TSHZ2: variants seen among roughly 807,000 people sequenced by gnomAD.
TSHZ2 encodes the protein teashirt homolog 2.
A neutral mutation model predicts 74.4 loss-of-function variants in TSHZ2; 21 were observed. The ratio of observed to expected loss-of-function variants is 0.28; its 90% CI spans 0.20 to 0.41. The LOEUF (loss-of-function observed/expected upper bound fraction) is 0.41. Ranked by LOEUF, TSHZ2 falls within the 10% of genes least tolerant of loss-of-function variation. The pLI, the probability that TSHZ2 is intolerant of heterozygous loss-of-function variation, is 1.00. For synonymous variants in TSHZ2, 540 were observed against 515.3 expected (o/e 1.05, Z -0.65); for missense variants, 1,244 against 1,293.5 (o/e 0.96, Z 0.59).
intron 2 of TSHZ2, among the ~76,000 whole-genome samples, chr20:53,443,931 G>A (rs371151420): frequency 1.8e-4 from 27 of 152,260 alleles, no homozygotes; most frequent in African/African-American, 6.0e-4. Context: ...AAGGGCATTC[G>A]CAGAGTGGAT....
chr20:53,294,114 A>T (rs1336275726), intron 2 of TSHZ2, among the ~76,000 whole-genome samples: 1 of 152,154 alleles, frequency 6.6e-6, no homozygotes, highest in African/African-American at 2.4e-5. Flanking sequence ...AGAGGCGCAC[A>T]CAGGCAGCTG....
intron 1 of TSHZ2, among the ~76,000 whole-genome samples, chr20:53,200,268 T>C (rs764289852): frequency 3.9e-5 from 6 of 152,138 alleles, no homozygotes; most frequent in Non-Finnish European, 7.4e-5. Context: ...GTTCATGCAG[T>C]GTCACATGAC....
intron 2 of TSHZ2, among the ~76,000 whole-genome samples, chr20:53,363,861 T>C (rs1981158906): frequency 6.6e-6 from 1 of 152,258 alleles, no homozygotes; most frequent in African/African-American, 2.4e-5. Context: ...AATAGAAACC[T>C]GATTCATAGA....
intron 1 of TSHZ2, among the ~76,000 whole-genome samples, chr20:53,204,388 A>G (rs1989108935): frequency 6.9e-6 from 1 of 144,872 alleles, no homozygotes; most frequent in Non-Finnish European, 1.5e-5. Flanking sequence ...TGATGATATG[A>G]TACTATATCA....
At chr20:53,419,178 G>A (rs1417510504) in intron 2 of TSHZ2, among the ~76,000 whole-genome samples, 6 of 152,156 alleles carry the variant, frequency 3.9e-5, no homozygotes, top group Non-Finnish European at 7.3e-5. Flanking sequence ...CTTGTGACTC[G>A]GGCTCCCCGT....
chr20:53,466,953 C>A (rs905957429), intron 2 of TSHZ2, among the ~76,000 whole-genome samples: 1 of 152,220 alleles, frequency 6.6e-6, no homozygotes, highest in Non-Finnish European at 1.5e-5. Context: ...AGAGAACAGG[C>A]TTTGAAGTCA....
chr20:53,112,023 G>T (rs1030360924), intron 1 of TSHZ2, among the ~76,000 whole-genome samples: 2 of 152,148 alleles, frequency 1.3e-5, no homozygotes, highest in African/African-American at 4.8e-5. Flanking sequence ...CCCATGTCCC[G>T]GCCTCATCAA....
At chr20:53,155,566 A>T (rs1987775956) in intron 1 of TSHZ2, among the ~76,000 whole-genome samples, 1 of 151,816 alleles carries the variant, frequency 6.6e-6, no homozygotes, top group Non-Finnish European at 1.5e-5. Flanking sequence ...GAATTAATGT[A>T]CAGGGCAAGC....
intron 2 of TSHZ2, among the ~76,000 whole-genome samples, chr20:53,388,112 T>C (rs1205980932): frequency 1.3e-5 from 2 of 151,750 alleles, no homozygotes; most frequent in African/African-American, 4.8e-5. Flanking sequence ...CTCATCCCTA[T>C]CAAACTGACG....
chr20:53,092,276 AT>A (rs1439600889), intron 1 of TSHZ2, among the ~76,000 whole-genome samples: 11 of 152,114 alleles, frequency 7.2e-5, no homozygotes, highest in African/African-American at 2.7e-4. Context: ...GTGTTGTCAC[AT>A]CCCTTTTTTA....
intron 1 of TSHZ2, among the ~76,000 whole-genome samples, chr20:52,989,146 A>T (rs1981880539): frequency 6.9e-6 from 1 of 144,692 alleles, no homozygotes. Context: ...ACCAGAAATC[A>T]TGATAGACTC....
At chr20:53,304,714 C>T (rs1181138916) in intron 2 of TSHZ2, among the ~76,000 whole-genome samples, 1 of 152,188 alleles carries the variant, frequency 6.6e-6, no homozygotes, top group Non-Finnish European at 1.5e-5. Context: ...TCACTGCAAC[C>T]TCTGCCTCCC....
rs151336998 is a variant in TSHZ2, at chr20:53,024,102, AT to A, written c.40+50779del. 9.4e-5 allele frequency among the ~76,000 whole-genome samples: 14 copies of A among 148,886 alleles called. No individual in the cohort carries two copies. The South Asian group carries it at 1.3e-3, about 14-fold the overall frequency. On this transcript the variant is annotated intron_variant, in intron 1 of 2. Transcript: ENST00000371497. ...GAAAAAGTATTCATTCCACCCTCTTATTTTTTTTTTGAGTCAAAAAACAAAA... is the reference window on the plus strand; with the variant it reads ...GAAAAAGTATTCATTCCACCCTCTTATTTTTTTTTGAGTCAAAAAACAAAA...
At chr20:53,445,675 C>T (rs778002197) in intron 2 of TSHZ2, among the ~76,000 whole-genome samples, 2 of 152,198 alleles carry the variant, frequency 1.3e-5, no homozygotes, top group Admixed American at 6.5e-5. Flanking sequence ...GGTGTCTGAG[C>T]TGGCCGACAA....
chr20:53,388,405 G>A (rs1043685289), intron 2 of TSHZ2, among the ~76,000 whole-genome samples: 7 of 152,084 alleles, frequency 4.6e-5, no homozygotes, highest in Admixed American at 2.6e-4. Flanking sequence ...CTCTGCCCTC[G>A]AGTAAGTCAT....
intron 1 of TSHZ2, among the ~76,000 whole-genome samples, chr20:53,072,388 G>A (rs1247965409): frequency 6.6e-6 from 1 of 152,186 alleles, no homozygotes; most frequent in Non-Finnish European, 1.5e-5. Flanking sequence ...TTGGGGGAAA[G>A]GGGTCCTACT....
chr20:53,089,907 G>A (rs541037501), intron 1 of TSHZ2, among the ~76,000 whole-genome samples: 2 of 152,326 alleles, frequency 1.3e-5, no homozygotes, highest in African/African-American at 4.8e-5. Context: ...ATCAAGAGGA[G>A]TTTATTAGGA....
intron 1 of TSHZ2, among the ~76,000 whole-genome samples, chr20:53,059,037 G>A (rs1284506391): frequency 6.6e-6 from 1 of 152,176 alleles, no homozygotes; most frequent in African/African-American, 2.4e-5. Context: ...ATTTTCAGAA[G>A]CTGCCACACA....
intron 2 of TSHZ2, among the ~76,000 whole-genome samples, chr20:53,297,608 ACC>A (rs1991403729): frequency 6.6e-6 from 1 of 152,250 alleles, no homozygotes; most frequent in African/African-American, 2.4e-5. Flanking sequence ...ATCTTGGGCA[ACC>A]TGGGGGTAGG....
Sources: gnomAD v4.1 joint callset for allele counts (sites outside exome capture counted in the v4.1 genomes callset) on GRCh38, gnomAD v4.1.1 for gene constraint, MANE v1.5 for transcripts, NCBI Gene and HGNC (gene_info 2026-07-23, HGNC 2026-07-21) for gene names.